Variants in CTDP1 observed in about 807,000 individuals in gnomAD.
The protein encoded by CTDP1 is RNA polymerase II subunit A C-terminal domain phosphatase.
A neutral mutation model predicts 91.8 loss-of-function variants in CTDP1; 47 were observed. The observed-to-expected ratio is 0.51, with a 90% confidence interval of 0.41 to 0.65. The LOEUF (loss-of-function observed/expected upper bound fraction) is 0.65. CTDP1 is among the 30% of genes least tolerant of loss of function. CTDP1 has a pLI of 0.00. For missense variants in CTDP1, 1,272 were observed against 1,373.7 expected (o/e 0.93, Z 1.17); for synonymous variants, 656 against 598.5 (o/e 1.10, Z -1.40).
intron 4 of CTDP1, among the ~76,000 whole-genome samples, chr18:79,701,915 T>C (rs939445293): frequency 6.6e-6 from 1 of 152,196 alleles, no homozygotes; most frequent in African/African-American, 2.4e-5. Flanking sequence ...AACTTCAGGA[T>C]GAAACTCGAA....
intron 1 of CTDP1, among the ~76,000 whole-genome samples, chr18:79,690,634 G>T (rs1910381774): frequency 6.6e-6 from 1 of 152,188 alleles, no homozygotes; most frequent in African/African-American, 2.4e-5. Context: ...ATTAAGAAAA[G>T]ACATTGCTCT....
chr18:79,753,728 A>G lies in CTDP1; in HGVS notation c.2824A>G (p.Ser942Gly), dbSNP rs1490768610. 6.2e-7 allele frequency: 1 copy of G among 1,614,020 alleles called. No homozygotes were observed. The highest frequency in any genetic ancestry group is 8.5e-7 in the Non-Finnish European group (1 of 1,179,968). Residue 942 changes from serine (S) to glycine (G), a missense_variant, in exon 13 of 13, where the codon AGC becomes GGC. By Grantham distance (56) the Ser-to-Gly change is moderately conservative. Around this residue, in one of 3 missense-constraint regions of CTDP1, gnomAD observed 881 missense variants for 911.6 expected, o/e 0.97. Coordinates refer to ENST00000613122, the MANE Select transcript of CTDP1 (RefSeq NM_004715.5). The part of the protein sequence containing the change: ...SRESSNEDEG[S>G]SSEADEMAKA... ...GGAGTCCAGCAACGAGGATGAGGGC[A>G]GCAGCTCCGAGGCCGACGAGATGGC... is the stretch of plus-strand genomic sequence containing the variant.
chr18:79,756,276 C>T (rs2087092556), downstream of CTDP1: 2 of 152,502 alleles, frequency 1.3e-5, no homozygotes, highest in East Asian at 1.9e-4. Flanking sequence ...CCAAGAGCCC[C>T]ATCCTGTCCT....
chr18:79,704,711 G>A (rs567263819), intron 4 of CTDP1, 56 bp from the exon 5 acceptor site: 2 of 1,607,056 alleles, frequency 1.2e-6, no homozygotes, highest in South Asian at 2.2e-5. Flanking sequence ...CAGGTTGCGG[G>A]GGCGGCCGGG....
intron 11 of CTDP1, among the ~76,000 whole-genome samples, chr18:79,730,757 G>A (rs1195686003): frequency 3.3e-5 from 5 of 152,214 alleles, no homozygotes; most frequent in African/African-American, 1.2e-4. Context: ...GGTCAGAGGA[G>A]CCCCGGCGCC....
intron 12 of CTDP1, among the ~76,000 whole-genome samples, chr18:79,746,712 G>A (rs1485747234): frequency 1.3e-5 from 2 of 152,182 alleles, no homozygotes; most frequent in African/African-American, 4.8e-5. Flanking sequence ...GAACTCCTGG[G>A]CTCAAGGGAT....
intron 12 of CTDP1, among the ~76,000 whole-genome samples, chr18:79,743,585 C>T (rs898363403): frequency 6.7e-6 from 1 of 149,332 alleles, no homozygotes; most frequent in African/African-American, 2.5e-5. Flanking sequence ...TGCACCTGCT[C>T]TCACTCCTGC....
Position 79,714,612 on chromosome 18 carries a change from G to A in CTDP1, c.1152G>A (p.Leu384=). ...SNGLEKPARE[L]NGSEAATPRD... is the part of the protein sequence containing the mutation. Reference sequence around the variant, plus strand: ...GCCTGGAGAAGCCTGCACGGGAGCTGAACGGCAGCGAGGCCGCCACCCCGC... The same window carrying A: ...GCCTGGAGAAGCCTGCACGGGAGCTAAACGGCAGCGAGGCCGCCACCCCGC... Residue 384 remains leucine (L), a synonymous_variant, in exon 8 of 13, where the codon CTG becomes CTA. Transcript: ENST00000613122. 1 of 1,612,890 alleles carries A rather than the reference G, an allele frequency of 6.2e-7. No individual in the cohort carries two copies. The highest frequency in any genetic ancestry group is 1.1e-5 in the South Asian group (1 of 91,084).
chr18:79,748,285 G>A (rs957184148), intron 12 of CTDP1, among the ~76,000 whole-genome samples: 1 of 152,210 alleles, frequency 6.6e-6, no homozygotes, highest in African/African-American at 2.4e-5. Context: ...AAGAGCAAAG[G>A]TTTTGTGCCA....
intron 10 of CTDP1, among the ~76,000 whole-genome samples, chr18:79,720,265 CATT>C (rs1489989670): frequency 8.7e-5 from 13 of 149,128 alleles, no homozygotes; most frequent in African/African-American, 3.2e-4. Flanking sequence ...CACCTCCCAT[CATT>C]AGGAGGGCAT....
chr18:79,742,149 AG>A (rs1161030197), intron 12 of CTDP1, among the ~76,000 whole-genome samples: 4 of 9,988 alleles, frequency 4.0e-4, no homozygotes, highest in Non-Finnish European at 1.7e-3. Flanking sequence ...CATGAGGTGG[AG>A]GCCTGGGGGC....
intron 6 of CTDP1, 109 bp downstream of exon 6, chr18:79,710,545 C>A: frequency 1.2e-6 from 1 of 859,048 alleles, no homozygotes; most frequent in Non-Finnish European, 1.9e-6. Context: ...TTTTTTGAGA[C>A]GGAGTCTTGC....
chr18:79,697,686 C>T (rs572544030), intron 3 of CTDP1, among the ~76,000 whole-genome samples, 174 bp from the exon 4 acceptor site: 30 of 152,276 alleles, frequency 2.0e-4, no homozygotes, highest in East Asian at 5.8e-4. Context: ...GCGAGGTTGC[C>T]GTGACCAGGT....
At chr18:79,740,766 C>T (rs1184577155) in intron 12 of CTDP1, among the ~76,000 whole-genome samples, 2 of 152,182 alleles carry the variant, frequency 1.3e-5, no homozygotes, top group African/African-American at 4.8e-5. Flanking sequence ...GTGATTCATT[C>T]TTCTCTCAAG....
intron 4 of CTDP1, among the ~76,000 whole-genome samples, chr18:79,699,377 C>T (rs1054908265): frequency 2.0e-5 from 3 of 152,146 alleles, no homozygotes; most frequent in Non-Finnish European, 2.9e-5. Flanking sequence ...TCTCCTCCCT[C>T]AGACTCCCAA....
At chr18:79,721,432 GT>G (rs1268319131) in intron 10 of CTDP1, among the ~76,000 whole-genome samples, 1 of 152,126 alleles carries the variant, frequency 6.6e-6, no homozygotes, top group African/African-American at 2.4e-5. Flanking sequence ...GTCAGGGTCT[GT>G]TCTGTACTGT....
At chr18:79,693,730 T>C (rs2085672661) in intron 1 of CTDP1, among the ~76,000 whole-genome samples, 1 of 152,030 alleles carries the variant, frequency 6.6e-6, no homozygotes, top group African/African-American at 2.4e-5. Flanking sequence ...CCGTTCCTCC[T>C]CCAGGGTGAT....
intron 4 of CTDP1, among the ~76,000 whole-genome samples, chr18:79,704,286 G>A (rs969553101): frequency 3.3e-5 from 5 of 152,222 alleles, no homozygotes; most frequent in Admixed American, 3.3e-4. Context: ...ACGTGGAGAG[G>A]TGTGTGCACA....
chr18:79,696,107 G>A lies in CTDP1; in HGVS notation c.492+37G>A, dbSNP rs372737442. 28 of 1,584,212 alleles carry A rather than the reference G, an allele frequency of 1.8e-5. No homozygotes were observed. The East Asian group carries it at 2.2e-4, about 13-fold the overall frequency. ...ATCAGTGGCGGCGTGTTGGGGAAGC[G>A]TGGTGCTCTGAGGAGGGCGGCTGCA... On this transcript the variant is annotated intron_variant, in intron 3 of 12. Transcript: ENST00000613122.
Sources: gnomAD v4.1 joint callset for allele counts (sites outside exome capture counted in the v4.1 genomes callset) on GRCh38, gnomAD v4.1.1 for gene constraint, gnomAD v4.1.1 regional missense constraint, MANE v1.5 for transcripts, NCBI Gene and HGNC (gene_info 2026-07-23, HGNC 2026-07-21) for gene names.